The following QSOX1 variants were observed in gnomAD, a reference collection of about 807,000 sequenced individuals.
QSOX1 encodes the protein quiescin sulfhydryl oxidase 1, also known as sulfhydryl oxidase 1.
A neutral mutation model predicts 76.1 loss-of-function variants in QSOX1; 40 were observed. That is an observed-to-expected ratio of 0.53 (90% CI 0.41 to 0.68). The LOEUF (loss-of-function observed/expected upper bound fraction) is 0.68, where lower values mean the gene tolerates loss of function less well. QSOX1 is among the 30% of genes least tolerant of loss of function. QSOX1 has a pLI of 0.00. For synonymous variants in QSOX1, 392 were observed against 413.1 expected (o/e 0.95, Z 0.62); for missense variants, 931 against 974.3 (o/e 0.96, Z 0.59).
At position 180,197,271 on chromosome 1, in the gene QSOX1, C is replaced by G. The variant is rs547788593; in HGVS notation, c.*234C>G. The G allele has an allele frequency of 2.8e-5, 45 of 1,612,512 alleles. 1 individual carries two copies. In the South Asian group the frequency reaches 4.7e-4, roughly 17 times the overall value. On this transcript the variant is annotated 3_prime_UTR_variant, in exon 12 of 12. Transcript: ENST00000367602. ...CCCTGCTGTGCAGGGAGGGCAGCCC[C>G]GGGCAGTGGGCATAGGGCAGCTCAG...
chr1:180,175,400 C>G (rs765101579), intron 3 of QSOX1, 34 bp downstream of exon 3: 1 of 1,604,756 alleles, frequency 6.2e-7, no homozygotes, highest in Non-Finnish European at 8.5e-7. Flanking sequence ...CTGTTAGCAT[C>G]TTCCTCCCCC....
At chr1:180,177,011 A>G (rs999249241) in intron 4 of QSOX1, among the ~76,000 whole-genome samples, 1 of 152,180 alleles carries the variant, frequency 6.6e-6, no homozygotes, top group Non-Finnish European at 1.5e-5. Context: ...GAGGGCCTCC[A>G]GGGGACCCTG....
chr1:180,157,732 T>C (rs1379174816), intron 1 of QSOX1, among the ~76,000 whole-genome samples: 1 of 152,222 alleles, frequency 6.6e-6, no homozygotes, highest in Non-Finnish European at 1.5e-5. Flanking sequence ...TGTCTCACTG[T>C]ATGTTTTGGA....
At chr1:180,186,664 C>T (rs1057424447) in intron 8 of QSOX1, among the ~76,000 whole-genome samples, 4 of 152,220 alleles carry the variant, frequency 2.6e-5, no homozygotes, top group Admixed American at 1.3e-4. Flanking sequence ...ATAGTTTCCC[C>T]GGGAAGGTGG....
rs528549012 is a variant in QSOX1, at chr1:180,175,754, A to G, written c.413-177A>G. Among the ~76,000 whole-genome samples the G allele has an allele frequency of 2.6e-5, 4 of 152,170 alleles. No individual in the cohort carries two copies. In the South Asian group the frequency reaches 8.3e-4, roughly 31 times the overall value. On this transcript the variant is annotated intron_variant, in intron 3 of 11. Transcript: ENST00000367602. ...GGGTGTCCTTGCACTACTTGGGGCC[A>G]CAGGAGGACTACTCAAGCCCCATTC...
At chr1:180,162,338 C>G (rs1448191419) in intron 1 of QSOX1, among the ~76,000 whole-genome samples, 1 of 152,158 alleles carries the variant, frequency 6.6e-6, no homozygotes, top group African/African-American at 2.4e-5. Flanking sequence ...TTGAGATGTT[C>G]CAGGGCCCCC....
intron 1 of QSOX1, among the ~76,000 whole-genome samples, chr1:180,160,466 C>G (rs947190989): frequency 5.3e-5 from 8 of 151,826 alleles, no homozygotes; most frequent in African/African-American, 1.5e-4. Context: ...GTTTGAACAA[C>G]AGTTGTGTTA....
Position 180,155,003 on chromosome 1 carries a change from G to T in QSOX1, c.96G>T (p.Arg32=), listed in dbSNP as rs1238543812. ...LAVPGANAAP[R]SALYSPSDPL... ...TTCCCGGCGCTAACGCGGCCCCGCG[G>T]TCGGCGCTCTATTCGCCTTCCGACC... The change falls in exon 1 of 12, where the codon CGG becomes CGT. Residue 32 remains arginine, a synonymous_variant. Transcript: ENST00000367602. The T allele has an allele frequency of 2.0e-6, 3 of 1,510,904 alleles. No individual in the cohort carries two copies. The East Asian group carries it at 8.0e-5, about 40-fold the overall frequency. 93.6% of individuals were successfully genotyped at this position (1,510,904 alleles called of 1,614,324 possible). A position where few individuals can be genotyped will look rare whatever the true frequency, so the allele number is the denominator to read the frequency against.
chr1:180,166,409 T>G (rs1572040027), intron 1 of QSOX1, 82 bp from the exon 2 acceptor site: 2 of 1,095,812 alleles, frequency 1.8e-6, no homozygotes, highest in South Asian at 1.3e-5. Flanking sequence ...TTGGCAGGGG[T>G]GAGGCATTGC....
chr1:180,182,603 C>G (rs1207986244), intron 6 of QSOX1, among the ~76,000 whole-genome samples: 1 of 152,176 alleles, frequency 6.6e-6, no homozygotes, highest in Non-Finnish European at 1.5e-5. Flanking sequence ...AGCCCTGGCC[C>G]TCTTCTCCAC....
At chr1:180,184,927 T>C (rs1663136296) in intron 7 of QSOX1, among the ~76,000 whole-genome samples, 1 of 152,238 alleles carries the variant, frequency 6.6e-6, no homozygotes, top group African/African-American at 2.4e-5. Flanking sequence ...TCCGTCATTA[T>C]GAATGATCAT....
At chr1:180,188,781 G>A (rs184188939) in intron 8 of QSOX1, among the ~76,000 whole-genome samples, 4 of 152,286 alleles carry the variant, frequency 2.6e-5, no homozygotes, top group Non-Finnish European at 4.4e-5. Context: ...CATCCCCTCG[G>A]CCAGCCTCTT....
intron 1 of QSOX1, 76 bp downstream of exon 1, chr1:180,155,248 A>G: frequency 1.5e-6 from 2 of 1,297,680 alleles, no homozygotes; most frequent in Non-Finnish European, 2.0e-6. Flanking sequence ...GCAGCCTCCT[A>G]CTCCGGGAGC....
intron 6 of QSOX1, 132 bp downstream of exon 6, chr1:180,182,451 C>T (rs960851465): frequency 6.0e-5 from 76 of 1,268,650 alleles, no homozygotes; most frequent in Non-Finnish European, 8.0e-5. Flanking sequence ...GGAGAAGCTG[C>T]AGTCTGCTGT....
Position 180,194,247 on chromosome 1 carries a change from C to T in QSOX1, c.1323C>T (p.Gly441=). Residue 441 remains glycine (G), a synonymous_variant, in exon 11 of 12, where the codon GGC becomes GGT. Transcript: ENST00000367602. ...AGGAGGTCCTCCCAGCCATCCGAGG[C>T]TACGTGCACTACTTCTTCGGCTGCC... ...KAKEVLPAIR[G]YVHYFFGCRD... 1 of 1,613,264 alleles carries T rather than the reference C, an allele frequency of 6.2e-7. No individual in the cohort carries two copies. The highest frequency in any genetic ancestry group is 8.5e-7 in the Non-Finnish European group (1 of 1,179,556).
intron 6 of QSOX1, among the ~76,000 whole-genome samples, chr1:180,183,532 A>G (rs1159498963): frequency 6.6e-6 from 1 of 152,130 alleles, no homozygotes; most frequent in Admixed American, 6.5e-5. Flanking sequence ...CAGCTGCCAT[A>G]TTGAATCTCG....
Position 180,202,122 on chromosome 1 carries a change from CCAA to C in QSOX1, c.*5086_*5088del. ...CACAAGGCAGAGGAGGAGACCTTTG[CCAA>C]TGTGAGAGAACAAAGTTAAGGGGCA... On this transcript the variant is annotated 3_prime_UTR_variant, in exon 12 of 12. Coordinates refer to ENST00000367602, the MANE Select transcript of QSOX1 (RefSeq NM_002826.5). The C allele has an allele frequency of 6.6e-6, 1 of 152,214 alleles. No homozygotes were observed. The allele number at this position is 152,214 out of a possible 1,614,324, so 9.4% of individuals were successfully genotyped here.
intron 1 of QSOX1, among the ~76,000 whole-genome samples, chr1:180,163,591 T>C (rs763055113): frequency 5.9e-5 from 9 of 152,232 alleles, no homozygotes; most frequent in Non-Finnish European, 1.2e-4. Context: ...CCAAAGCATA[T>C]ATACTTTAGA....
At chr1:180,183,857 A>C (rs1663100910) in intron 6 of QSOX1, 59 bp from the exon 7 acceptor site, 4 of 1,506,348 alleles carry the variant, frequency 2.7e-6, no homozygotes, top group Non-Finnish European at 3.6e-6. Context: ...GACATTGGTT[A>C]GCTCTAATCT....
Sources: allele counts gnomAD v4.1 joint callset (sites outside exome capture counted in the v4.1 genomes callset), GRCh38; gene constraint gnomAD v4.1.1; transcripts MANE v1.5; gene names NCBI Gene and HGNC (gene_info 2026-07-23, HGNC 2026-07-21).